RIPOR3: variants seen among roughly 807,000 people sequenced by gnomAD.
The protein encoded by RIPOR3 is RIPOR family member 3, also known as family with sequence similarity 65 member C.
In RIPOR3, 95 loss-of-function variants were observed where a neutral mutation model predicts 114.3. That is an observed-to-expected ratio of 0.83 (90% CI 0.70 to 0.99). The LOEUF is 0.99. Among genes scored for constraint, RIPOR3 ranks in the 50% least tolerant of loss-of-function variants. RIPOR3 has a pLI of 0.00. For missense variants in RIPOR3, 1,252 were observed against 1,266.9 expected (o/e 0.99, Z 0.18); for synonymous variants, 575 against 543.8 (o/e 1.06, Z -0.80).
chr20:50,688,077 T>C (rs1478752878), intron 1 of RIPOR3, among the ~76,000 whole-genome samples: 1 of 152,228 alleles, frequency 6.6e-6, no homozygotes, highest in East Asian at 1.9e-4. Context: ...ATGGTTACAA[T>C]TGATGAAGGA....
intron 6 of RIPOR3, 28 bp downstream of exon 6, chr20:50,610,825 A>C (rs1379251689): frequency 5.0e-6 from 8 of 1,613,508 alleles, no homozygotes; most frequent in Non-Finnish European, 6.8e-6. Context: ...GCCCCACCCC[A>C]CCCTGCAACA....
chr20:50,630,408 G>A (rs1344682248), intron 2 of RIPOR3, among the ~76,000 whole-genome samples: 1 of 152,190 alleles, frequency 6.6e-6, no homozygotes, highest in Non-Finnish European at 1.5e-5. Flanking sequence ...GAGTCACTGT[G>A]CCCAGCCAGA....
intron 13 of RIPOR3, among the ~76,000 whole-genome samples, chr20:50,601,692 G>A (rs562615239): frequency 9.7e-4 from 148 of 152,268 alleles, no homozygotes; most frequent in African/African-American, 3.4e-3. Flanking sequence ...CGGGGTGCGT[G>A]GATGAGGCAA....
intron 1 of RIPOR3, among the ~76,000 whole-genome samples, chr20:50,665,323 T>G (rs2086147616): frequency 6.7e-6 from 1 of 149,302 alleles, no homozygotes; most frequent in East Asian, 2.0e-4. Flanking sequence ...GATGTGTGAC[T>G]GTGGTCCCAG....
chr20:50,661,186 C>T (rs1361869918), intron 1 of RIPOR3, among the ~76,000 whole-genome samples: 1 of 151,752 alleles, frequency 6.6e-6, no homozygotes, highest in Non-Finnish European at 1.5e-5. Flanking sequence ...TGCAGTGAGC[C>T]AAAATCACGC....
At chr20:50,689,239 C>T (rs1431743674) in intron 1 of RIPOR3, among the ~76,000 whole-genome samples, 1 of 147,934 alleles carries the variant, frequency 6.8e-6, no homozygotes, top group Non-Finnish European at 1.5e-5. Context: ...TGCAGTGGCA[C>T]GATCTCAGCT....
intron 1 of RIPOR3, among the ~76,000 whole-genome samples, chr20:50,639,883 G>T (rs1384061704): frequency 1.3e-5 from 2 of 152,024 alleles, no homozygotes; most frequent in East Asian, 3.9e-4. Context: ...GCTTTGCTGT[G>T]GAGGCTGTCC....
chr20:50,614,953 A>T (rs1216461290), intron 4 of RIPOR3, among the ~76,000 whole-genome samples: 2 of 152,108 alleles, frequency 1.3e-5, no homozygotes, highest in Non-Finnish European at 2.9e-5. Flanking sequence ...GCTACTCAGG[A>T]GGCTGAGGCA....
At chr20:50,666,188 T>TTTTCTTTTCTTTTCTTTTC (rs2086196983) in intron 1 of RIPOR3, among the ~76,000 whole-genome samples, 1 of 19,344 alleles carries the variant, frequency 5.2e-5, no homozygotes, top group Admixed American at 9.2e-4. Context: ...CACCCATTTC[T>TTTTCTTTTCTTTTCTTTTC]TTTCTTTTCT....
chr20:50,587,975 AGTC>A, intron 20 of RIPOR3, 83 bp from the exon 21 acceptor site: 2 of 1,320,370 alleles, frequency 1.5e-6, no homozygotes, highest in Non-Finnish European at 2.1e-6. Flanking sequence ...CTGCAGGGCC[AGTC>A]CTAGCATGGT....
In RIPOR3 at chr20:50,593,183, G is replaced by A. The variant is rs774758954; in HGVS notation, c.2226C>T (p.Leu742=). ...CACCACAGCTGACCACCTGCTCCAG[G>A]AGCCTGCGGCACGCTGGCCAAAGGG... is the stretch of plus-strand genomic sequence containing the variant. The part of the protein sequence containing the change: ...PGQLEIACRR[L]LEQVVSCGGL... The change falls in exon 18 of 22, where the codon CTC becomes CTT. Residue 742 remains leucine, a synonymous_variant. Transcript: ENST00000327979. The A allele has an allele frequency of 1.2e-6, 2 of 1,612,786 alleles. No homozygotes were observed. Among genetic ancestry groups the A allele is most frequent in the Admixed American group, 3.3e-5 (2 of 60,030 alleles).
chr20:50,678,099 T>G (rs1600759382), intron 1 of RIPOR3, among the ~76,000 whole-genome samples: 1 of 152,170 alleles, frequency 6.6e-6, no homozygotes, highest in Non-Finnish European at 1.5e-5. Flanking sequence ...TCAATCATCA[T>G]GGGTTTTGCC....
At chr20:50,609,932 TCTGCCTCACCTGCCTCAC>T (rs199566755) in intron 6 of RIPOR3, among the ~76,000 whole-genome samples, 3 of 148,072 alleles carry the variant, frequency 2.0e-5, no homozygotes, top group Non-Finnish European at 3.0e-5. Context: ...AGGGACCACA[TCTGCCTCACCTGCCTCAC>T]CTGCCACCAC....
At chr20:50,686,843 G>A (rs2087045579) in intron 1 of RIPOR3, among the ~76,000 whole-genome samples, 1 of 152,110 alleles carries the variant, frequency 6.6e-6, no homozygotes, top group South Asian at 2.1e-4. Flanking sequence ...TATTGCAGTT[G>A]CGTTTCTCTT....
chr20:50,666,198 T>TTTCC (rs1491442935), intron 1 of RIPOR3, among the ~76,000 whole-genome samples: 1 of 96,718 alleles, frequency 1.0e-5, no homozygotes, highest in African/African-American at 5.4e-5. Flanking sequence ...TTTTCTTTTC[T>TTTCC]TTTCTTTTCT....
chr20:50,594,758 G>T, intron 16 of RIPOR3, 44 bp from the exon 17 acceptor site: 1 of 1,579,180 alleles, frequency 6.3e-7, no homozygotes, highest in South Asian at 1.1e-5. Flanking sequence ...CTCGGGGAGA[G>T]CACATGACAA....
intron 1 of RIPOR3, among the ~76,000 whole-genome samples, chr20:50,668,168 G>A (rs1013474541): frequency 3.9e-5 from 6 of 152,114 alleles, no homozygotes; most frequent in African/African-American, 9.7e-5. Context: ...TCATCATCCC[G>A]GCAGAGACAG....
intron 1 of RIPOR3, among the ~76,000 whole-genome samples, chr20:50,642,135 T>C (rs2085220039): frequency 6.6e-6 from 1 of 152,164 alleles, no homozygotes; most frequent in Non-Finnish European, 1.5e-5. Context: ...TTACTTTGCA[T>C]TTTCCTGATT....
intron 1 of RIPOR3, among the ~76,000 whole-genome samples, chr20:50,674,919 T>C (rs2086636192): frequency 6.6e-6 from 1 of 151,764 alleles, no homozygotes; most frequent in Non-Finnish European, 1.5e-5. Flanking sequence ...CCCATCTCTA[T>C]TAAAAAATAA....
Sources: allele counts gnomAD v4.1 joint callset (sites outside exome capture counted in the v4.1 genomes callset), GRCh38; gene constraint gnomAD v4.1.1; transcripts MANE v1.5; gene names NCBI Gene and HGNC (gene_info 2026-07-23, HGNC 2026-07-21).